BEND7: variants seen among roughly 807,000 people sequenced by gnomAD.
BEND7 encodes BEN domain-containing protein 7.
In BEND7, 28 loss-of-function variants were observed where a neutral mutation model predicts 50.9. The ratio of observed to expected loss-of-function variants is 0.55; its 90% CI spans 0.41 to 0.75. The LOEUF (loss-of-function observed/expected upper bound fraction) is 0.75. Ranked by LOEUF, BEND7 falls within the 30% of genes least tolerant of loss-of-function variation. The probability of loss-of-function intolerance (pLI) is 0.00; values close to 1 mark genes in which losing one functional copy is unlikely to be tolerated. For synonymous variants in BEND7, 170 were observed against 183.9 expected, an observed-to-expected ratio of 0.92 and a Z score of 0.61; for missense variants, 477 against 491.3, an observed-to-expected ratio of 0.97 and a Z score of 0.28.
At chr10:13,442,200 G>A (rs11258387) in intron 8 of BEND7, 2,882 of 160,382 alleles carry the variant, frequency 0.018, 68 homozygotes, top group African/African-American at 0.051. Flanking sequence ...GGGTGGGACT[G>A]AGTAGCCTCT....
rs528539568 is a variant in BEND7 at position 13,511,808 on chromosome 10, T to A, written c.146-11728A>T. On this transcript the variant is annotated intron_variant, in intron 2 of 8. Transcript: ENST00000466271. ...GGTTCGAGCACTGGCGTATACATTT[T>A]ACCCAGGAGATGCAGAGACTGTGAG... 3.9e-5 allele frequency among the ~76,000 whole-genome samples: 6 copies of A among 152,330 alleles called. No individual in the cohort carries two copies. In the South Asian group the frequency reaches 1.2e-3, roughly 32 times the overall value.
intron 5 of BEND7, among the ~76,000 whole-genome samples, chr10:13,487,910 T>A (rs1480440244): frequency 2.0e-5 from 3 of 151,786 alleles, no homozygotes; most frequent in Non-Finnish European, 2.9e-5. Flanking sequence ...CTGGCCAACC[T>A]GGTGAAACCC....
chr10:13,467,848 G>A (rs2074405213), intron 6 of BEND7, among the ~76,000 whole-genome samples: 1 of 152,174 alleles, frequency 6.6e-6, no homozygotes, highest in Non-Finnish European at 1.5e-5. Flanking sequence ...TAAACTGACT[G>A]ATTTCTTCCT....
At chr10:13,484,613 T>C (rs1386235290) in intron 5 of BEND7, among the ~76,000 whole-genome samples, 1 of 152,242 alleles carries the variant, frequency 6.6e-6, no homozygotes, top group Non-Finnish European at 1.5e-5. Flanking sequence ...GATTCACAAT[T>C]TGATACTCAA....
At chr10:13,452,473 T>C in intron 7 of BEND7, 66 bp downstream of exon 7, 1 of 1,490,758 alleles carries the variant, frequency 6.7e-7, no homozygotes, top group East Asian at 2.3e-5. Flanking sequence ...AGCCAAGTAT[T>C]GTACTTTATA....
chr10:13,516,927 T>A (rs2078722718), intron 2 of BEND7, among the ~76,000 whole-genome samples: 1 of 152,208 alleles, frequency 6.6e-6, no homozygotes, highest in Admixed American at 6.5e-5. Context: ...AAGACTGTAT[T>A]TCTCAGTGTC....
intron 6 of BEND7, among the ~76,000 whole-genome samples, chr10:13,479,930 T>C (rs572032233): frequency 6.6e-6 from 1 of 152,340 alleles, no homozygotes; most frequent in South Asian, 2.1e-4. Context: ...ATTCATTTAC[T>C]CATTTTGCCA....
intron 2 of BEND7, among the ~76,000 whole-genome samples, chr10:13,502,338 C>G (rs2077532588): frequency 6.6e-6 from 1 of 151,888 alleles, no homozygotes; most frequent in Admixed American, 6.6e-5. Flanking sequence ...ACGGAAATAA[C>G]ACAGATTTCC....
intron 2 of BEND7, among the ~76,000 whole-genome samples, chr10:13,507,313 TC>T (rs2077968787): frequency 6.6e-6 from 1 of 152,140 alleles, no homozygotes; most frequent in African/African-American, 2.4e-5. Context: ...TGACTCTCTC[TC>T]CCCGCGCCAG....
chr10:13,504,719 T>C (rs2077741354), intron 2 of BEND7, among the ~76,000 whole-genome samples: 1 of 152,224 alleles, frequency 6.6e-6, no homozygotes, highest in Admixed American at 6.5e-5. Flanking sequence ...TGAATCCTTT[T>C]CAGAAAAACA....
chr10:13,447,565 A>G (rs1164177890), intron 7 of BEND7, among the ~76,000 whole-genome samples: 1 of 102,978 alleles, frequency 9.7e-6, no homozygotes, highest in African/African-American at 4.0e-5. Flanking sequence ...TTTTTTTGAG[A>G]CGGAGTCTCG....
chr10:13,473,896 C>T (rs1054450103), intron 6 of BEND7, among the ~76,000 whole-genome samples: 1 of 147,250 alleles, frequency 6.8e-6, no homozygotes, highest in African/African-American at 2.5e-5. Flanking sequence ...ATTGCTGTTA[C>T]ACTCAGGGCC....
intron 2 of BEND7, among the ~76,000 whole-genome samples, chr10:13,518,323 T>C (rs2078843540): frequency 1.3e-5 from 2 of 152,220 alleles, no homozygotes; most frequent in African/African-American, 2.4e-5. Context: ...CACTGGCCCC[T>C]CACAGGGCCC....
chr10:13,489,419 T>C (rs193123786), intron 5 of BEND7, among the ~76,000 whole-genome samples: 17 of 152,262 alleles, frequency 1.1e-4, no homozygotes, highest in African/African-American at 3.6e-4. Context: ...CGCAAGTCCT[T>C]TGCGCAGTGG....
rs937246821 is a variant in BEND7, at chr10:13,460,416, T to C, written c.1064-7758A>G. On this transcript the variant is annotated intron_variant, in intron 6 of 8. Transcript: ENST00000466271. Reference sequence around the variant, plus strand: ...TCTAGAAGAGAGCATTTTAAACAGGTTGGAGTAAAGCCTTGCTCTCTCTCT... The same window carrying C: ...TCTAGAAGAGAGCATTTTAAACAGGCTGGAGTAAAGCCTTGCTCTCTCTCT... 2.0e-5 allele frequency among the ~76,000 whole-genome samples: 3 copies of C among 152,210 alleles called. No individual in the cohort carries two copies. In the South Asian group the frequency reaches 6.2e-4, roughly 32 times the overall value.
At chr10:13,505,255 AC>A (rs924294432) in intron 2 of BEND7, among the ~76,000 whole-genome samples, 1 of 151,940 alleles carries the variant, frequency 6.6e-6, no homozygotes, top group Non-Finnish European at 1.5e-5. Context: ...CCTGGTGACC[AC>A]CTCCCTACAG....
chr10:13,492,720 T>G lies in BEND7; in HGVS notation c.728A>C (p.Lys243Thr), dbSNP rs1239689738. 6.2e-7 allele frequency: 1 copy of G among 1,614,190 alleles called. No homozygotes were observed. Among genetic ancestry groups the G allele is most frequent in the African/African-American group, 1.3e-5 (1 of 75,070 alleles). The stretch of plus-strand genomic sequence containing the variant: ...AGATAGCTCAGAGGCCACCACCGAC[T>G]TTTTCTCCATCTCTGACCCACTGGG... ...QKPSGSEMEKKSVVASELSAL... is the reference protein window; with the variant it reads ...QKPSGSEMEKTSVVASELSAL... The change falls in exon 5 of 9, where the codon AAG (lysine) becomes ACG (threonine). Residue 243 changes from lysine to threonine, a missense_variant. Physicochemically the swap from Lys to Thr is moderately conservative, Grantham distance 78. This residue lies in a region of BEND7 where 396 missense variants were observed against 384.2 expected (regional missense o/e 1.03). Transcript: ENST00000466271.
Position 13,499,760 on chromosome 10 carries a change from G to A in BEND7, c.448+18C>T, listed in dbSNP as rs1371091744. On this transcript the variant is annotated intron_variant, in intron 3 of 8. Coordinates refer to ENST00000466271, the MANE Select transcript of BEND7 (RefSeq NM_001369863.1). ...AAACCCCCATGAGAGCCTTCTGAAT[G>A]TTTGTTGACAACCATACCATTGGAG... 2 of 1,580,112 alleles carry A rather than the reference G, an allele frequency of 1.3e-6. No individual in the cohort carries two copies. Among genetic ancestry groups the A allele is most frequent in the Admixed American group, 1.8e-5 (1 of 55,832 alleles).
intron 2 of BEND7, among the ~76,000 whole-genome samples, chr10:13,512,552 T>C (rs1401047290): frequency 1.3e-5 from 2 of 152,188 alleles, no homozygotes; most frequent in Non-Finnish European, 2.9e-5. Context: ...TCAATGTAAG[T>C]TGAAATGCTG....
Sources: allele counts gnomAD v4.1 joint callset (sites outside exome capture counted in the v4.1 genomes callset), GRCh38; gene constraint gnomAD v4.1.1; regional missense constraint gnomAD v4.1.1; transcripts MANE v1.5; gene names NCBI Gene and HGNC (gene_info 2026-07-23, HGNC 2026-07-21).